Variants in ADGRV1 observed in about 807,000 individuals in gnomAD.
ADGRV1 encodes the protein G-protein coupled receptor 98.
A neutral mutation model predicts 596.2 loss-of-function variants in ADGRV1; 359 were observed. The ratio of observed to expected loss-of-function variants is 0.60; its 90% CI spans 0.55 to 0.66. The LOEUF is 0.66. Among genes scored for constraint, ADGRV1 ranks in the 30% least tolerant of loss-of-function variants. ADGRV1 has a pLI of 0.00. For missense variants in ADGRV1, 7,274 were observed against 7,575.6 expected (o/e 0.96, Z 1.48); for synonymous variants, 2,681 against 2,679.2 (o/e 1.00, Z -0.02).
chr5:90,875,551 A>G (rs1330826226), intron 83 of ADGRV1, among the ~76,000 whole-genome samples: 1 of 152,208 alleles, frequency 6.6e-6, no homozygotes, highest in African/African-American at 2.4e-5. Context: ...GAAGCAGACT[A>G]CAAGGAAACC....
intron 77 of ADGRV1, 36 bp downstream of exon 77, chr5:90,829,222 G>T: frequency 7.2e-7 from 1 of 1,381,052 alleles, no homozygotes; most frequent in Non-Finnish European, 9.5e-7. Flanking sequence ...ACACGTTATG[G>T]TTTTCTTCTT....
chr5:90,859,536 G>GA (rs1162600667), intron 82 of ADGRV1, among the ~76,000 whole-genome samples: 2 of 151,954 alleles, frequency 1.3e-5, no homozygotes, highest in African/African-American at 4.8e-5. Flanking sequence ...GGGCTCAAGC[G>GA]AGTCTCCTGC....
At chr5:90,950,567 C>T (rs1393356668) in intron 83 of ADGRV1, among the ~76,000 whole-genome samples, 4 of 152,132 alleles carry the variant, frequency 2.6e-5, no homozygotes, top group Admixed American at 6.5e-5. Flanking sequence ...GGTGATCCAC[C>T]CACCTTGGCC....
chr5:90,976,981 T>G (rs6881722), intron 84 of ADGRV1, among the ~76,000 whole-genome samples: 76,155 of 152,032 alleles, frequency 0.5, 20,679 homozygotes, highest in African/African-American at 0.71. Flanking sequence ...TGTGCGTTAT[T>G]TTCTCAATAT....
chr5:90,981,505 T>G (rs1581702000), intron 84 of ADGRV1, among the ~76,000 whole-genome samples: 1 of 152,092 alleles, frequency 6.6e-6, no homozygotes, highest in Non-Finnish European at 1.5e-5. Context: ...AGTACTTGGG[T>G]TTCCTCCCAC....
chr5:90,743,526 C>A (rs1043844487), intron 50 of ADGRV1, among the ~76,000 whole-genome samples: 3 of 143,220 alleles, frequency 2.1e-5, no homozygotes, highest in Non-Finnish European at 4.5e-5. Flanking sequence ...GGCTAGAGAG[C>A]AGTGGCACGA....
chr5:90,698,790 C>G (rs1747528702), intron 34 of ADGRV1, among the ~76,000 whole-genome samples: 1 of 151,796 alleles, frequency 6.6e-6, no homozygotes, highest in African/African-American at 2.4e-5. Flanking sequence ...AAAAAATTAC[C>G]TGAGAGGAGA....
Position 91,005,064 on chromosome 5 carries a change from C to T in ADGRV1, c.18152+19542C>T, listed in dbSNP as rs537264918. On this transcript the variant is annotated intron_variant, in intron 85 of 89. Transcript: ENST00000405460. ...TGTTGTTAAATGCACCACATTCAACCCTACACTAAATTTAAGTGGATATTT... is the reference window on the plus strand; with the variant it reads ...TGTTGTTAAATGCACCACATTCAACTCTACACTAAATTTAAGTGGATATTT... Among the ~76,000 whole-genome samples the T allele has an allele frequency of 3.2e-4, 48 of 152,144 alleles. No homozygotes were observed. The Middle Eastern group carries it at 0.01, about 32-fold the overall frequency.
intron 83 of ADGRV1, among the ~76,000 whole-genome samples, chr5:90,924,041 T>G (rs952363677): frequency 1.8e-4 from 27 of 151,666 alleles, no homozygotes; most frequent in African/African-American, 6.6e-4. Context: ...TGTTGGACAT[T>G]TGGGTTGGTT....
chr5:91,069,928 C>CAAAA (rs70973728), intron 85 of ADGRV1, among the ~76,000 whole-genome samples: 4,859 of 136,704 alleles, frequency 0.036, 201 homozygotes, highest in East Asian at 0.14. Context: ...AATGTAGCCA[C>CAAAA]AAAAAAAAAA....
At position 90,944,748 on chromosome 5, in the gene ADGRV1, A is replaced by G. The variant is rs367636080; in HGVS notation, c.17857-20667A>G. On this transcript the variant is annotated intron_variant, in intron 83 of 89. Coordinates refer to ENST00000405460, the MANE Select transcript of ADGRV1 (RefSeq NM_032119.4). ...GTTAATTTATTAGTTCGAATTATTT[A>G]ATTGACAAACTGTTGGAAACATGTC... is the stretch of plus-strand genomic sequence containing the variant. Among the ~76,000 whole-genome samples the G allele has an allele frequency of 9.8e-5, 15 of 152,312 alleles. 1 individual carries two copies. The East Asian group carries it at 2.3e-3, about 24-fold the overall frequency.
chr5:91,079,372 A>G (rs375415329), intron 86 of ADGRV1, among the ~76,000 whole-genome samples: 93 of 152,330 alleles, frequency 6.1e-4, no homozygotes, highest in African/African-American at 2.0e-3. Flanking sequence ...ACACATACAT[A>G]TGGATGCCCA....
At chr5:91,025,263 C>A (rs1188071849) in intron 85 of ADGRV1, among the ~76,000 whole-genome samples, 1 of 152,068 alleles carries the variant, frequency 6.6e-6, no homozygotes, top group Non-Finnish European at 1.5e-5. Flanking sequence ...ATAAAAATCA[C>A]ACAAGTAGTC....
intron 79 of ADGRV1, among the ~76,000 whole-genome samples, chr5:90,852,214 G>A (rs1275055851): frequency 6.6e-6 from 1 of 152,096 alleles, no homozygotes. Flanking sequence ...TTACAGAGGA[G>A]ATTTTTTGTA....
At chr5:90,600,009 A>G (rs1157668451) in intron 1 of ADGRV1, among the ~76,000 whole-genome samples, 1 of 152,176 alleles carries the variant, frequency 6.6e-6, no homozygotes, top group East Asian at 1.9e-4. Flanking sequence ...AATATTAAAT[A>G]TCTTGTTTTA....
At chr5:90,727,246 C>T (rs1044907718) in intron 48 of ADGRV1, among the ~76,000 whole-genome samples, 1 of 152,066 alleles carries the variant, frequency 6.6e-6, no homozygotes, top group African/African-American at 2.4e-5. Context: ...TGTCACCACA[C>T]CTGGCTGATT....
Position 90,683,777 on chromosome 5 carries a change from C to T in ADGRV1, c.5856C>T (p.Leu1952=), listed in dbSNP as rs769734785. 25 of 1,613,720 alleles carry T rather than the reference C, an allele frequency of 1.5e-5. 1 individual carries two copies. The South Asian group carries it at 2.3e-4, about 15-fold the overall frequency. ...ATAAGGCATTCTCTGTGTCAGTCCT[C>T]AGTGTTTCCAGTGGTTCTTTGGGAG... The part of the protein sequence containing the change: ...ELDKAFSVSV[L]SVSSGSLGAH... Residue 1952 remains leucine, a synonymous_variant, in exon 28 of 90, where the codon CTC becomes CTT. Transcript: ENST00000405460.
intron 85 of ADGRV1, among the ~76,000 whole-genome samples, chr5:91,054,098 T>A (rs1050464036): frequency 3.0e-3 from 379 of 124,514 alleles, no homozygotes; most frequent in South Asian, 5.2e-3. Flanking sequence ...TGTGTGTGTG[T>A]GTGTGAGAGA....
chr5:90,625,952 T>C (rs1187106482), intron 6 of ADGRV1: 1 of 152,190 alleles, frequency 6.6e-6, no homozygotes, highest in Non-Finnish European at 1.5e-5. Context: ...ATTATTTTTA[T>C]ATTTCACATT....
Sources: gnomAD v4.1 joint callset for allele counts (sites outside exome capture counted in the v4.1 genomes callset) on GRCh38, gnomAD v4.1.1 for gene constraint, MANE v1.5 for transcripts, NCBI Gene and HGNC (gene_info 2026-07-23, HGNC 2026-07-21) for gene names.